The following SLC16A14 variants were observed in gnomAD, a reference collection of about 807,000 sequenced individuals.
The protein encoded by SLC16A14 is monocarboxylate transporter 14.
SLC16A14 carries 14 observed loss-of-function variants against 35.8 expected under a neutral mutation model. The observed-to-expected ratio is 0.39, with a 90% CI of 0.26 to 0.61. The LOEUF (loss-of-function observed/expected upper bound fraction) is 0.61, where lower values mean the gene tolerates loss of function less well. Among genes scored for constraint, SLC16A14 ranks in the 20% least tolerant of loss-of-function variants. The probability of loss-of-function intolerance (pLI) is 0.51; values close to 1 mark genes in which losing one functional copy is unlikely to be tolerated. For missense variants in SLC16A14, 533 were observed against 655.0 expected (o/e 0.81, Z 2.03); for synonymous variants, 248 against 258.9 (o/e 0.96, Z 0.40).
At chr2:230,048,789 G>T (rs2077629820) in intron 3 of SLC16A14, among the ~76,000 whole-genome samples, 1 of 151,710 alleles carries the variant, frequency 6.6e-6, no homozygotes, top group Non-Finnish European at 1.5e-5. Flanking sequence ...TGGGCATGGT[G>T]GTGCATGCCT....
chr2:230,053,522 C>T (rs971994128), intron 2 of SLC16A14, among the ~76,000 whole-genome samples: 2 of 152,136 alleles, frequency 1.3e-5, no homozygotes, highest in African/African-American at 4.8e-5. Context: ...GTGGTTCACA[C>T]CTGTAATCTC....
chr2:230,045,735 G>A lies in SLC16A14; in HGVS notation c.1381+10C>T, dbSNP rs1178636700. ...TGCACTCTGAGCTCTTAAAACCTCA[G>A]AGAGTTTACCTGCAAAAGGTGGTCC... On this transcript the variant is annotated intron_variant, in intron 4 of 4. Transcript: ENST00000295190. 1 of 1,614,138 alleles carries A rather than the reference G, an allele frequency of 6.2e-7. No individual in the cohort carries two copies.
chr2:230,063,238 G>A (rs1309097153), intron 1 of SLC16A14, among the ~76,000 whole-genome samples: 5 of 148,856 alleles, frequency 3.4e-5, no homozygotes, highest in African/African-American at 1.2e-4. Context: ...CAGTAGTGAG[G>A]TGAGATCACG....
chr2:230,048,000 T>C (rs1219751629), intron 3 of SLC16A14, among the ~76,000 whole-genome samples: 4 of 152,224 alleles, frequency 2.6e-5, no homozygotes, highest in Non-Finnish European at 5.9e-5. Context: ...AGATATATAT[T>C]ACAAGAAGCA....
chr2:230,041,477 AG>A, intron 4 of SLC16A14, among the ~76,000 whole-genome samples: 1 of 152,202 alleles, frequency 6.6e-6, no homozygotes, highest in South Asian at 2.1e-4. Context: ...CCTCTCAAGT[AG>A]CTGGGATTAC....
chr2:230,067,565 T>TCACACA (rs1477437559), intron 1 of SLC16A14, among the ~76,000 whole-genome samples: 2 of 42,624 alleles, frequency 4.7e-5, no homozygotes, highest in African/African-American at 1.1e-4. Flanking sequence ...TCTCTCTCTC[T>TCACACA]CTCTCTCACA....
chr2:230,046,313 G>C lies in SLC16A14; in HGVS notation c.813C>G (p.Ala271=). 1 of 1,614,140 alleles carries C rather than the reference G, an allele frequency of 6.2e-7. No homozygotes were observed. The highest frequency in any genetic ancestry group is 1.1e-5 in the South Asian group (1 of 91,078). ...GGGCACACATGTTCTTCCTGTGCCC[G>C]GCCTGATCGGGGCACTCCTGGGCTT... ...DLQAQECPDQ[A]GHRKNMCALR... Residue 271 remains alanine, a synonymous_variant, in exon 4 of 5, where the codon GCC becomes GCG. Transcript: ENST00000295190. The surrounding 1 kb of genome is among the most constrained non-coding windows in gnomAD (Gnocchi z 5.0).
At chr2:230,050,487 T>C (rs1300426671) in intron 2 of SLC16A14, among the ~76,000 whole-genome samples, 5 of 152,204 alleles carry the variant, frequency 3.3e-5, no homozygotes, top group Admixed American at 6.5e-5. Flanking sequence ...AAAATAGAAA[T>C]ATTAAAAATG....
chr2:230,053,492 A>T (rs1379211106), intron 2 of SLC16A14, among the ~76,000 whole-genome samples: 1 of 152,130 alleles, frequency 6.6e-6, no homozygotes, highest in East Asian at 1.9e-4. Flanking sequence ...CACTGTAATA[A>T]AGTGTCCTGG....
Position 230,046,888 on chromosome 2 carries a change from A to T in SLC16A14, c.404-166T>A, listed in dbSNP as rs2077613362. Among the ~76,000 whole-genome samples the T allele has an allele frequency of 2.6e-5, 4 of 152,398 alleles. No homozygotes were observed. The South Asian group carries it at 8.3e-4, about 32-fold the overall frequency. ...ATTTAAAAAGCAGCTCCCAGGGATA[A>T]GCAGCAGAAAGACCATCCACCCAAG... On this transcript the variant is annotated intron_variant, in intron 3 of 4. Coordinates refer to ENST00000295190, the MANE Select transcript of SLC16A14 (RefSeq NM_152527.5). This position sits in a 1 kb window ranked among gnomAD's most constrained non-coding sequence, Gnocchi z 5.0.
intron 2 of SLC16A14, among the ~76,000 whole-genome samples, chr2:230,054,494 A>G (rs2077689441): frequency 6.6e-6 from 1 of 152,104 alleles, no homozygotes; most frequent in Non-Finnish European, 1.5e-5. Flanking sequence ...CCCTATCTGC[A>G]CCTTTTCTCT....
chr2:230,042,007 G>GT (rs1057486413), intron 4 of SLC16A14, among the ~76,000 whole-genome samples: 1 of 152,178 alleles, frequency 6.6e-6, no homozygotes, highest in African/African-American at 2.4e-5. Context: ...AATGAATGTT[G>GT]TTCATCATTC....
intron 1 of SLC16A14, chr2:230,067,080 A>G (rs571675048): frequency 1.2e-5 from 2 of 166,800 alleles, no homozygotes; most frequent in African/African-American, 4.8e-5. Context: ...CATCCCACGC[A>G]GGTGAGTGCG....
Position 230,037,350 on chromosome 2 carries a change from A to G in SLC16A14, c.*30T>C, listed in dbSNP as rs377633420. 1.4e-4 allele frequency: 225 copies of G among 1,555,992 alleles called. No individual in the cohort carries two copies. Among genetic ancestry groups the G allele is most frequent in the Non-Finnish European group, 1.9e-4 (217 of 1,155,034 alleles). ...CATGCGAGGTAGGCATGAGTATTAC[A>G]ATGAAACCTACACGGAACATTACAT... is the stretch of plus-strand genomic sequence containing the variant. On this transcript the variant is annotated 3_prime_UTR_variant, in exon 5 of 5. Coordinates refer to ENST00000295190, the MANE Select transcript of SLC16A14 (RefSeq NM_152527.5).
At position 230,059,169 on chromosome 2, in the gene SLC16A14, G is replaced by T; in HGVS notation, c.184C>A (p.Leu62Met). 6.2e-7 allele frequency: 1 copy of T among 1,614,174 alleles called. No individual in the cohort carries two copies. The highest frequency in any genetic ancestry group is 8.5e-7 in the Non-Finnish European group (1 of 1,180,032). ...MALGVLNVEW[L>M]EEFHQSRGLT... ...CCGCGGCTCTGGTGGAATTCTTCCA[G>T]CCATTCCACGTTGAGGACACCCAGG... The change falls in exon 2 of 5, where the codon CTG (leucine) becomes ATG (methionine). Residue 62 changes from leucine (L) to methionine (M), a missense_variant. Coordinates refer to ENST00000295190, the MANE Select transcript of SLC16A14 (RefSeq NM_152527.5).
At chr2:230,043,893 T>C (rs1163128582) in intron 4 of SLC16A14, among the ~76,000 whole-genome samples, 1 of 152,234 alleles carries the variant, frequency 6.6e-6, no homozygotes, top group African/African-American at 2.4e-5. Context: ...TCACGGCTTC[T>C]GCTATGCCTG....
chr2:230,037,561 T>C, intron 4 of SLC16A14, 30 bp from the exon 5 acceptor site: 1 of 1,540,474 alleles, frequency 6.5e-7, no homozygotes, highest in Non-Finnish European at 8.7e-7. Flanking sequence ...ATATTCAGTG[T>C]CATGGAGTTG....
chr2:230,045,808 T>G lies in SLC16A14; in HGVS notation c.1318A>C (p.Asn440His). 1.2e-6 allele frequency: 2 copies of G among 1,614,218 alleles called. No individual in the cohort carries two copies. Among genetic ancestry groups the G allele is most frequent in the Non-Finnish European group, 1.7e-6 (2 of 1,180,042 alleles). The stretch of plus-strand genomic sequence containing the variant: ...GCACAGATGATGATGCCGTAGGCAT[T>G]GGCCAGGTGTTCAATGCCAACCAAG... ...EDLVGIEHLA[N>H]AYGIIICANG... The change falls in exon 4 of 5, where the codon AAT (asparagine) becomes CAT (histidine). Residue 440 changes from asparagine (N) to histidine (H), a missense_variant. Physicochemically the swap from Asn to His is moderately conservative, Grantham distance 68. Transcript: ENST00000295190.
At chr2:230,045,560 GA>G (rs1053504798) in intron 4 of SLC16A14, 184 bp downstream of exon 4, 19,201 of 530,934 alleles carry the variant, frequency 0.036, no homozygotes, top group South Asian at 0.056. Context: ...ACTCCGTCTT[GA>G]AAAAAAAAAA....
Sources: gnomAD v4.1 joint callset for allele counts (sites outside exome capture counted in the v4.1 genomes callset) on GRCh38, gnomAD v4.1.1 for gene constraint, Gnocchi (gnomAD v3.1) non-coding constraint, MANE v1.5 for transcripts, NCBI Gene and HGNC (gene_info 2026-07-23, HGNC 2026-07-21) for gene names.